CCDC158: variants seen among roughly 807,000 people sequenced by gnomAD.
CCDC158 encodes the protein coiled-coil domain containing 158, also known as coiled-coil domain-containing protein 158.
In CCDC158, 116 loss-of-function variants were observed where a neutral mutation model predicts 138.6. The ratio of observed to expected loss-of-function variants is 0.84; its 90% CI spans 0.72 to 0.98. CCDC158 has a LOEUF of 0.98. Ranked by LOEUF, CCDC158 falls within the 50% of genes least tolerant of loss-of-function variation. CCDC158 has a pLI of 0.00. For synonymous variants in CCDC158, 436 were observed against 442.4 expected, an observed-to-expected ratio of 0.99 and a Z score of 0.18; for missense variants, 1,265 against 1,306.1, an observed-to-expected ratio of 0.97 and a Z score of 0.48.
chr4:76,416,687 G>A (rs372548952), intron 1 of CCDC158, among the ~76,000 whole-genome samples: 28 of 152,356 alleles, frequency 1.8e-4, no homozygotes, highest in Admixed American at 3.9e-4. Context: ...TCAGAGACTG[G>A]AAACTCCAAG....
At chr4:76,364,122 C>G (rs982161820) in intron 12 of CCDC158, among the ~76,000 whole-genome samples, 19 of 152,190 alleles carry the variant, frequency 1.2e-4, no homozygotes, top group Admixed American at 3.9e-4. Context: ...AGGGCCTTCC[C>G]CTACAATCCT....
At chr4:76,390,252 T>C (rs977463316) in intron 4 of CCDC158, among the ~76,000 whole-genome samples, 1 of 152,136 alleles carries the variant, frequency 6.6e-6, no homozygotes, top group Non-Finnish European at 1.5e-5. Context: ...TTTTCGTACA[T>C]TTGTTTGTTT....
At chr4:76,377,689 G>A (rs1012363034) in intron 9 of CCDC158, among the ~76,000 whole-genome samples, 1 of 152,196 alleles carries the variant, frequency 6.6e-6, no homozygotes, top group African/African-American at 2.4e-5. Flanking sequence ...AGAGAAAAGC[G>A]TGTGTTCCTC....
At chr4:76,317,141 C>CCTGTCTCT (rs1719476485) in intron 24 of CCDC158, among the ~76,000 whole-genome samples, 1 of 151,490 alleles carries the variant, frequency 6.6e-6, no homozygotes, top group Non-Finnish European at 1.5e-5. Context: ...TCAATACTAA[C>CCTGTCTCT]ATTGAATGTA....
At chr4:76,389,421 CAAAAGAA>C in intron 4 of CCDC158, among the ~76,000 whole-genome samples, 1 of 151,206 alleles carries the variant, frequency 6.6e-6, no homozygotes. Flanking sequence ...TCAGAGGAAA[CAAAAGAA>C]AAAAGAAAAG....
Position 76,313,267 on chromosome 4 carries a change from G to C in CCDC158, c.3278-21C>G, listed in dbSNP as rs1719060599. ...CATTGCTGAAAATGTTGATAAAACA[G>C]TTAGAATAACAAAATCTACTTAGGC... On this transcript the variant is annotated intron_variant, in intron 24 of 24. Transcript: ENST00000682701. 2.0e-6 allele frequency: 3 copies of C among 1,486,490 alleles called. No homozygotes were observed. The African/African-American group carries it at 4.2e-5, about 21-fold the overall frequency. 92.1% of individuals were successfully genotyped at this position (1,486,490 alleles called of 1,614,324 possible).
chr4:76,379,482 T>A, intron 8 of CCDC158, 78 bp from the exon 9 acceptor site: 2 of 722,296 alleles, frequency 2.8e-6, no homozygotes, highest in Non-Finnish European at 4.4e-6. Context: ...TCTAGCTTTT[T>A]GACACTACCA....
intron 18 of CCDC158, among the ~76,000 whole-genome samples, chr4:76,339,591 C>A (rs1267008112): frequency 6.6e-6 from 1 of 152,184 alleles, no homozygotes; most frequent in African/African-American, 2.4e-5. Context: ...TTACTGCCAG[C>A]CAACACCACA....
chr4:76,366,580 T>C (rs1025971268), intron 12 of CCDC158, among the ~76,000 whole-genome samples: 1 of 151,664 alleles, frequency 6.6e-6, no homozygotes, highest in African/African-American at 2.4e-5. Flanking sequence ...GTACCCTGGT[T>C]GAAGAAGTCT....
At chr4:76,415,716 C>T (rs1034854973) in intron 1 of CCDC158, among the ~76,000 whole-genome samples, 1 of 152,058 alleles carries the variant, frequency 6.6e-6, no homozygotes, top group Non-Finnish European at 1.5e-5. Context: ...GAGAAGTGAC[C>T]AGAAGATGAG....
chr4:76,316,883 A>G (rs1490260932), intron 24 of CCDC158, among the ~76,000 whole-genome samples: 1 of 144,296 alleles, frequency 6.9e-6, no homozygotes, highest in Non-Finnish European at 1.5e-5. Flanking sequence ...TGAAGGACAG[A>G]TAAAGTCTTT....
At chr4:76,382,173 C>A (rs1726321934) in intron 8 of CCDC158, among the ~76,000 whole-genome samples, 1 of 151,994 alleles carries the variant, frequency 6.6e-6, no homozygotes, top group African/African-American at 2.4e-5. Context: ...TGGCACATCC[C>A]CATTCTCTCT....
At chr4:76,363,645 A>G (rs1272139302) in intron 12 of CCDC158, among the ~76,000 whole-genome samples, 3 of 152,124 alleles carry the variant, frequency 2.0e-5, no homozygotes, top group East Asian at 3.9e-4. Context: ...TGTCTGGGGA[A>G]GAGCAGGGAC....
At chr4:76,342,300 C>A (rs1022280504) in intron 18 of CCDC158, among the ~76,000 whole-genome samples, 1 of 152,172 alleles carries the variant, frequency 6.6e-6, no homozygotes, top group African/African-American at 2.4e-5. Context: ...TCAGTCCCTA[C>A]AAAGTGTTGG....
chr4:76,383,597 C>T, intron 7 of CCDC158, 65 bp downstream of exon 7: 1 of 1,189,820 alleles, frequency 8.4e-7, no homozygotes, highest in South Asian at 1.3e-5. Context: ...GGAATTGTGG[C>T]CGAAACACTG....
At chr4:76,315,980 G>A (rs1302961961) in intron 24 of CCDC158, among the ~76,000 whole-genome samples, 1 of 152,136 alleles carries the variant, frequency 6.6e-6, no homozygotes, top group Non-Finnish European at 1.5e-5. Flanking sequence ...TGAGTTCCGG[G>A]CTTTTCCACT....
chr4:76,368,134 A>G (rs1482447688), intron 11 of CCDC158, among the ~76,000 whole-genome samples: 1 of 152,184 alleles, frequency 6.6e-6, no homozygotes, highest in Non-Finnish European at 1.5e-5. Context: ...AGAGGGCTTA[A>G]TTAAATAATA....
At chr4:76,420,866 C>T (rs1295806375) in intron 1 of CCDC158, among the ~76,000 whole-genome samples, 99 bp downstream of exon 1, 1 of 152,148 alleles carries the variant, frequency 6.6e-6, no homozygotes, top group Non-Finnish European at 1.5e-5. Flanking sequence ...CACGAGGCAC[C>T]GGAAGATTCC....
chr4:76,363,950 A>G (rs1286599303), intron 12 of CCDC158, among the ~76,000 whole-genome samples: 1 of 152,008 alleles, frequency 6.6e-6, no homozygotes, highest in Non-Finnish European at 1.5e-5. Context: ...GGGAGCTTAG[A>G]CTGGGGTGGT....
Sources: gnomAD v4.1 joint callset for allele counts (sites outside exome capture counted in the v4.1 genomes callset) on GRCh38, gnomAD v4.1.1 for gene constraint, MANE v1.5 for transcripts, NCBI Gene and HGNC (gene_info 2026-07-23, HGNC 2026-07-21) for gene names.